The following EYA4 variants were observed in gnomAD, a reference collection of about 807,000 sequenced individuals.
EYA4 encodes EYA transcriptional coactivator and phosphatase 4, also known as protein phosphatase EYA4.
In EYA4, 31 loss-of-function variants were observed where a neutral mutation model predicts 87.9. The observed-to-expected ratio is 0.35, with a 90% confidence interval of 0.27 to 0.48. The LOEUF (loss-of-function observed/expected upper bound fraction) is 0.48. Among genes scored for constraint, EYA4 ranks in the 20% least tolerant of loss-of-function variants. EYA4 has a pLI of 0.99. For missense variants in EYA4, 678 were observed against 761.4 expected (o/e 0.89, Z 1.29); for synonymous variants, 263 against 270.6 (o/e 0.97, Z 0.28).
intron 1 of EYA4, chr6:133,246,748 G>A (rs1383958147): frequency 1.3e-5 from 2 of 151,990 alleles, no homozygotes; most frequent in African/African-American, 4.8e-5. Context: ...ATCATAGCTA[G>A]CATTTACTCA....
At chr6:133,307,274 A>G (rs978069827) in intron 2 of EYA4, among the ~76,000 whole-genome samples, 5 of 152,188 alleles carry the variant, frequency 3.3e-5, no homozygotes, top group Admixed American at 1.3e-4. Context: ...GTGGCCTCCT[A>G]AAGAACTAAA....
At chr6:133,417,668 C>CTAATAAA (rs200009299) in intron 3 of EYA4, among the ~76,000 whole-genome samples, 7,728 of 152,152 alleles carry the variant, frequency 0.051, 580 homozygotes, top group African/African-American at 0.16. Flanking sequence ...TCATAACATG[C>CTAATAAA]ATATCACTAA....
intron 2 of EYA4, among the ~76,000 whole-genome samples, chr6:133,341,237 AT>A (rs1454600465): frequency 6.6e-6 from 1 of 152,192 alleles, no homozygotes; most frequent in Non-Finnish European, 1.5e-5. Flanking sequence ...AGTAGAAAGA[AT>A]AGTTGCTTTG....
chr6:133,461,412 A>C (rs1794372029), intron 7 of EYA4, among the ~76,000 whole-genome samples: 1 of 152,152 alleles, frequency 6.6e-6, no homozygotes, highest in Non-Finnish European at 1.5e-5. Context: ...CAAATTCAAA[A>C]ATGCTGGCTG....
intron 3 of EYA4, among the ~76,000 whole-genome samples, chr6:133,396,063 C>G (rs1787767710): frequency 6.6e-6 from 1 of 152,140 alleles, no homozygotes; most frequent in African/African-American, 2.4e-5. Context: ...ATGACTTTTA[C>G]CATGGGCATT....
rs1171912624 is a variant in EYA4 at position 133,391,216 on chromosome 6, G to GTTTTTTTTTTTTTTTTTTTTTTTTT, written c.83+8780_83+8781insTTTTTTTTTTTTTTTTTTTTTTTTT. Among the ~76,000 whole-genome samples, 5 of 68,954 alleles carry GTTTTTTTTTTTTTTTTTTTTTTTTT rather than the reference G, an allele frequency of 7.3e-5. 1 individual carries two copies. The highest frequency in any genetic ancestry group is 1.4e-4 in the Non-Finnish European group (4 of 28,468). The allele number at this position is 68,954 out of a possible 152,430, so 45.2% of individuals were successfully genotyped here. A position where few individuals can be genotyped will look rare whatever the true frequency, so the allele number is the denominator to read the frequency against. On this transcript the variant is annotated intron_variant, in intron 3 of 19. Transcript: ENST00000355286. ...TAGTATCTATTATTTTTTGGGTTTT[G>GTTTTTTTTTTTTTTTTTTTTTTTTT]TTTTTGTTTTTTTTTTTTTTTTGAG...
intron 1 of EYA4, among the ~76,000 whole-genome samples, chr6:133,242,982 T>C (rs975195104): frequency 2.0e-5 from 3 of 152,146 alleles, no homozygotes; most frequent in Non-Finnish European, 4.4e-5. Flanking sequence ...AATCTTAACC[T>C]GAGGGCAGGG....
At chr6:133,447,992 C>A in intron 4 of EYA4, 119 bp from the exon 5 acceptor site, 1 of 740,774 alleles carries the variant, frequency 1.3e-6, no homozygotes, top group Non-Finnish European at 2.4e-6. Context: ...ATGTTGAAGT[C>A]ATACAGTGCA....
intron 3 of EYA4, among the ~76,000 whole-genome samples, chr6:133,395,411 C>T (rs455704): frequency 0.077 from 11,720 of 152,050 alleles, 586 homozygotes; most frequent in Non-Finnish European, 0.11. Context: ...GTCGCACTAC[C>T]GTATGCCATA....
At chr6:133,254,233 T>G (rs1179594355) in intron 1 of EYA4, among the ~76,000 whole-genome samples, 1 of 152,208 alleles carries the variant, frequency 6.6e-6, no homozygotes, top group Non-Finnish European at 1.5e-5. Context: ...GAAACAGACC[T>G]TGATCTCTTT....
At chr6:133,254,270 A>T (rs1345470231) in intron 1 of EYA4, among the ~76,000 whole-genome samples, 1 of 152,110 alleles carries the variant, frequency 6.6e-6, no homozygotes, top group African/African-American at 2.4e-5. Context: ...GATCGATTTC[A>T]TGTTATTTTG....
rs149128031 is a variant in EYA4 at position 133,291,107 on chromosome 6, G to T, written c.33+16294G>T. On this transcript the variant is annotated intron_variant, in intron 2 of 19. Coordinates refer to ENST00000355286, the MANE Select transcript of EYA4 (RefSeq NM_004100.5). ...TTAACAGAAGAAAAATAATTTGGCT[G>T]CTAAGTTACTGTAGTATAGGATTTC... 4.0e-3 allele frequency among the ~76,000 whole-genome samples: 609 copies of T among 152,254 alleles called. 2 individuals carry two copies. The highest frequency in any genetic ancestry group is 0.014 in the African/African-American group (567 of 41,546).
intron 2 of EYA4, among the ~76,000 whole-genome samples, chr6:133,295,674 G>A (rs1162943894): frequency 6.6e-6 from 1 of 152,140 alleles, no homozygotes. Context: ...AATCTAGTAA[G>A]GTTAGGATTT....
In EYA4 at chr6:133,530,043, A is replaced by G; in HGVS notation, c.*1238A>G. ...TATTCCCAATGCCATGGCAAAAATG[A>G]TAATATCATCAGAAATGGAAGGCAG... On this transcript the variant is annotated 3_prime_UTR_variant, in exon 20 of 20. Coordinates refer to ENST00000355286, the MANE Select transcript of EYA4 (RefSeq NM_004100.5). 1 of 985,248 alleles carries G rather than the reference A, an allele frequency of 1.0e-6. No individual in the cohort carries two copies. The allele number at this position is 985,248 out of a possible 1,614,324, so 61.0% of individuals were successfully genotyped here. A position where few individuals can be genotyped will look rare whatever the true frequency, so the allele number is the denominator to read the frequency against.
Position 133,529,522 on chromosome 6 carries a change from G to GAA in EYA4, c.*724_*725dup, listed in dbSNP as rs1368384338. On this transcript the variant is annotated 3_prime_UTR_variant, in exon 20 of 20. Coordinates refer to ENST00000355286, the MANE Select transcript of EYA4 (RefSeq NM_004100.5). ...TTTGGTTAAAATCTCTGTAGATAAT[G>GAA]AAAAAAAACAAAAAAAAAAACCTTT... is the stretch of plus-strand genomic sequence containing the variant. 0.01 allele frequency: 8,786 copies of GAA among 869,364 alleles called. 158 individuals are homozygous for GAA. Among genetic ancestry groups the GAA allele is most frequent in the African/African-American group, 0.069 (3,064 of 44,444 alleles). The allele number at this position is 869,364 out of a possible 1,614,324, so 53.9% of individuals were successfully genotyped here. A position where few individuals can be genotyped will look rare whatever the true frequency, so the allele number is the denominator to read the frequency against.
In EYA4 at chr6:133,312,419, G is replaced by A. The variant is rs116574692; in HGVS notation, c.33+37606G>A. On this transcript the variant is annotated intron_variant, in intron 2 of 19. Coordinates refer to ENST00000355286, the MANE Select transcript of EYA4 (RefSeq NM_004100.5). ...ACACACACACACACACAGAGATAAA[G>A]CAAGAGAATATGAGATCTACCTTAG... Among the ~76,000 whole-genome samples, 829 of 151,752 alleles carry A rather than the reference G, an allele frequency of 5.5e-3. 5 individuals are homozygous for A. The highest frequency in any genetic ancestry group is 0.018 in the African/African-American group (750 of 41,294).
intron 3 of EYA4, among the ~76,000 whole-genome samples, chr6:133,403,335 A>G (rs927179271): frequency 2.6e-5 from 4 of 152,218 alleles, no homozygotes; most frequent in Non-Finnish European, 5.9e-5. Context: ...AAACTATGAA[A>G]TAGCTGGCTG....
intron 2 of EYA4, among the ~76,000 whole-genome samples, chr6:133,318,152 G>T (rs1309664932): frequency 1.3e-5 from 2 of 152,200 alleles, no homozygotes; most frequent in Admixed American, 1.3e-4. Context: ...TAGTTATTTA[G>T]TTGGGACTTT....
chr6:133,480,355 G>A (rs1046312761), intron 11 of EYA4, among the ~76,000 whole-genome samples: 11 of 152,160 alleles, frequency 7.2e-5, no homozygotes, highest in Non-Finnish European at 4.4e-5. Context: ...GTGATTTCTG[G>A]GGACTATTAG....
Sources: allele counts gnomAD v4.1 joint callset (sites outside exome capture counted in the v4.1 genomes callset), GRCh38; gene constraint gnomAD v4.1.1; transcripts MANE v1.5; gene names NCBI Gene and HGNC (gene_info 2026-07-23, HGNC 2026-07-21).